The following XKR6 variants were observed in gnomAD, a reference collection of about 807,000 sequenced individuals.
XKR6 encodes XK-related protein 6.
XKR6 carries 22 observed loss-of-function variants against 56.7 expected under a neutral mutation model. The ratio of observed to expected loss-of-function variants is 0.39; its 90% confidence interval spans 0.28 to 0.55. XKR6 has a LOEUF of 0.55. Among genes scored for constraint, XKR6 ranks in the 20% least tolerant of loss-of-function variants. The pLI, the probability that XKR6 is intolerant of heterozygous loss-of-function variation, is 0.66. For synonymous variants in XKR6, 524 were observed against 387.8 expected, an observed-to-expected ratio of 1.35 and a Z score of -4.13; for missense variants, 852 against 889.0, an observed-to-expected ratio of 0.96 and a Z score of 0.53.
intron 1 of XKR6, among the ~76,000 whole-genome samples, chr8:11,164,460 T>A (rs1232582812): frequency 6.6e-6 from 1 of 152,118 alleles, no homozygotes; most frequent in African/African-American, 2.4e-5. Context: ...TGGGTTCCTG[T>A]GGGGAAAATA....
At chr8:11,199,444 T>C (rs73665027) in intron 1 of XKR6, among the ~76,000 whole-genome samples, 3,900 of 152,284 alleles carry the variant, frequency 0.026, 181 homozygotes, top group African/African-American at 0.087. Flanking sequence ...ATGCCTAAAA[T>C]CTCCTACTAA....
chr8:11,198,028 A>T (rs2117160856), intron 1 of XKR6, among the ~76,000 whole-genome samples: 1 of 152,332 alleles, frequency 6.6e-6, no homozygotes, highest in Middle Eastern at 3.4e-3. Context: ...ATTAGATCTT[A>T]ACCTTTATGT....
intron 1 of XKR6, among the ~76,000 whole-genome samples, chr8:11,075,101 C>T (rs1294095016): frequency 1.3e-5 from 2 of 152,150 alleles, no homozygotes; most frequent in Non-Finnish European, 2.9e-5. Context: ...GATGCTGCCC[C>T]CGCCCTGCAG....
At chr8:11,169,183 C>A (rs1007681727) in intron 1 of XKR6, among the ~76,000 whole-genome samples, 1 of 151,932 alleles carries the variant, frequency 6.6e-6, no homozygotes, top group Non-Finnish European at 1.5e-5. Context: ...CAACCCTCTT[C>A]CAGGCACCCT....
At chr8:10,935,575 A>G (rs1385682094) in intron 1 of XKR6, among the ~76,000 whole-genome samples, 2 of 149,862 alleles carry the variant, frequency 1.3e-5, no homozygotes, top group East Asian at 2.0e-4. Context: ...CTTTGAATGC[A>G]TCCCAGAGAT....
At chr8:11,052,725 G>A (rs1457650878) in intron 1 of XKR6, among the ~76,000 whole-genome samples, 1 of 135,044 alleles carries the variant, frequency 7.4e-6, no homozygotes, top group Non-Finnish European at 1.5e-5. Flanking sequence ...CCCGACCCCT[G>A]TTTCCAGTTG....
intron 1 of XKR6, among the ~76,000 whole-genome samples, chr8:11,097,908 T>A (rs187000557): frequency 1.3e-5 from 2 of 150,886 alleles, no homozygotes; most frequent in African/African-American, 4.9e-5. Flanking sequence ...ATAGTGTTAG[T>A]AACATCTAAG....
chr8:11,077,110 G>C (rs750094586), intron 1 of XKR6, among the ~76,000 whole-genome samples: 1 of 152,122 alleles, frequency 6.6e-6, no homozygotes, highest in East Asian at 1.9e-4. Flanking sequence ...TCAGGAGTTT[G>C]AGGCTACAGT....
At chr8:11,077,395 G>A (rs1333167666) in intron 1 of XKR6, among the ~76,000 whole-genome samples, 2 of 152,154 alleles carry the variant, frequency 1.3e-5, no homozygotes, top group African/African-American at 4.8e-5. Context: ...GCAGCCCTGG[G>A]GCGCTCTGTG....
At chr8:11,027,056 A>G (rs537777692) in intron 1 of XKR6, among the ~76,000 whole-genome samples, 3 of 152,144 alleles carry the variant, frequency 2.0e-5, no homozygotes, top group Non-Finnish European at 4.4e-5. Context: ...CTGGCCTACT[A>G]CACACGTAGA....
intron 1 of XKR6, among the ~76,000 whole-genome samples, chr8:11,168,748 G>T (rs777531877): frequency 1.3e-5 from 2 of 152,152 alleles, no homozygotes; most frequent in Non-Finnish European, 2.9e-5. Context: ...TTTAAAAAGA[G>T]AAACAGCCTG....
chr8:11,052,625 A>G (rs552061190), intron 1 of XKR6, among the ~76,000 whole-genome samples: 164 of 152,164 alleles, frequency 1.1e-3, no homozygotes, highest in Admixed American at 1.8e-3. Context: ...GGGAGCCCAG[A>G]GCCCAGTTCT....
chr8:11,054,229 A>G (rs1157994311), intron 1 of XKR6, among the ~76,000 whole-genome samples: 1 of 152,194 alleles, frequency 6.6e-6, no homozygotes, highest in Non-Finnish European at 1.5e-5. Flanking sequence ...GGACATGGCC[A>G]TTGTTCCAAA....
At chr8:11,107,876 C>G (rs979731730) in intron 1 of XKR6, 2 of 180,458 alleles carry the variant, frequency 1.1e-5, no homozygotes, top group Non-Finnish European at 2.3e-5. Context: ...GCATAAAAGA[C>G]AGTGGTATCC....
chr8:10,987,782 A>G (rs753925981), intron 1 of XKR6, among the ~76,000 whole-genome samples: 3 of 152,170 alleles, frequency 2.0e-5, no homozygotes, highest in African/African-American at 4.8e-5. Flanking sequence ...CATTCTGTCT[A>G]CCACTTCTGT....
At chr8:10,960,646 A>T (rs1041498253) in intron 1 of XKR6, among the ~76,000 whole-genome samples, 11 of 152,226 alleles carry the variant, frequency 7.2e-5, no homozygotes, top group African/African-American at 2.7e-4. Context: ...AAGGAAACTG[A>T]GGCTTTGGGA....
In XKR6 at chr8:10,911,204, G is replaced by A. The variant is rs866270035; in HGVS notation, c.962-12288C>T. Among the ~76,000 whole-genome samples, 801 of 132,974 alleles carry A rather than the reference G, an allele frequency of 6.0e-3. 9 individuals carry two copies. Among genetic ancestry groups the A allele is most frequent in the African/African-American group, 0.023 (752 of 33,386 alleles). The allele number at this position is 132,974 out of a possible 152,430, so 87.2% of individuals were successfully genotyped here. On this transcript the variant is annotated intron_variant, in intron 2 of 2. Coordinates refer to ENST00000416569, the MANE Select transcript of XKR6 (RefSeq NM_173683.4). ...ACATATAGAGAGAGGGTGTGCGTGT[G>A]TGTGTGTGTGTGTGTGTGTGTGTGT...
intron 1 of XKR6, among the ~76,000 whole-genome samples, chr8:11,107,412 T>C (rs1484058137): frequency 6.6e-6 from 1 of 152,250 alleles, no homozygotes; most frequent in Non-Finnish European, 1.5e-5. Flanking sequence ...TGTTAACTCC[T>C]GGCCTTGGGC....
At chr8:11,083,277 G>A (rs955288996) in intron 1 of XKR6, among the ~76,000 whole-genome samples, 9 of 152,160 alleles carry the variant, frequency 5.9e-5, no homozygotes, top group African/African-American at 2.2e-4. Context: ...GGCCTTACAG[G>A]AGTGAGGAAG....
Sources: allele counts gnomAD v4.1 joint callset (sites outside exome capture counted in the v4.1 genomes callset), GRCh38; gene constraint gnomAD v4.1.1; transcripts MANE v1.5; gene names NCBI Gene and HGNC (gene_info 2026-07-23, HGNC 2026-07-21).